SLCO4C1: variants seen among roughly 807,000 people sequenced by gnomAD.
SLCO4C1 encodes the protein solute carrier organic anion transporter family member 4C1.
A neutral mutation model predicts 72.1 loss-of-function variants in SLCO4C1; 58 were observed. The ratio of observed to expected loss-of-function variants is 0.80; its 90% CI spans 0.65 to 1.00. SLCO4C1 has a LOEUF of 1.00. SLCO4C1 is among the 50% of genes least tolerant of loss of function. The probability of loss-of-function intolerance (pLI) is 0.00; values close to 1 mark genes in which losing one functional copy is unlikely to be tolerated. For missense variants in SLCO4C1, 898 were observed against 857.9 expected, an observed-to-expected ratio of 1.05 and a Z score of -0.58; for synonymous variants, 297 against 312.5, an observed-to-expected ratio of 0.95 and a Z score of 0.52.
chr5:102,262,138 T>C (rs1748955813), intron 4 of SLCO4C1, 105 bp from the exon 5 acceptor site: 1 of 835,828 alleles, frequency 1.2e-6, no homozygotes, highest in Admixed American at 3.4e-5. Flanking sequence ...TAGTAGAATA[T>C]GATTATAATA....
intron 2 of SLCO4C1, among the ~76,000 whole-genome samples, chr5:102,272,146 T>C (rs1243541705): frequency 5.3e-5 from 8 of 152,148 alleles, no homozygotes; most frequent in Non-Finnish European, 1.0e-4. Flanking sequence ...TTAATTCATA[T>C]GTAATATCTT....
intron 3 of SLCO4C1, among the ~76,000 whole-genome samples, chr5:102,264,019 A>G (rs1186354644): frequency 6.6e-6 from 1 of 152,118 alleles, no homozygotes; most frequent in African/African-American, 2.4e-5. Flanking sequence ...AAAATTATAA[A>G]TCCATGGAAA....
rs562831720 is a variant in SLCO4C1 at position 102,260,194 on chromosome 5, G to A, written c.1128+19C>T. 8 of 876,246 alleles carry A rather than the reference G, an allele frequency of 9.1e-6. No individual in the cohort carries two copies. In the East Asian group the frequency reaches 2.3e-4, roughly 25 times the overall value. The allele number at this position is 876,246 out of a possible 1,614,324, so 54.3% of individuals were successfully genotyped here. On this transcript the variant is annotated intron_variant, in intron 6 of 12. Coordinates refer to ENST00000310954, the MANE Select transcript of SLCO4C1 (RefSeq NM_180991.5). The stretch of plus-strand genomic sequence containing the variant: ...TGTGTATGAGACTGAGAGAGAGACA[G>A]AGAAGAATTTTATTTTACCTTTAGA...
chr5:102,285,072 G>C (rs1749425087), intron 2 of SLCO4C1, among the ~76,000 whole-genome samples: 1 of 152,074 alleles, frequency 6.6e-6, no homozygotes, highest in African/African-American at 2.4e-5. Context: ...GGACATGTAT[G>C]TCCTAAATTA....
chr5:102,237,921 T>A (rs1748469248), intron 12 of SLCO4C1, among the ~76,000 whole-genome samples: 1 of 152,200 alleles, frequency 6.6e-6, no homozygotes, highest in South Asian at 2.1e-4. Context: ...AGTTCAGTTA[T>A]ATGAAGAGAA....
At position 102,269,390 on chromosome 5, in the gene SLCO4C1, G is replaced by C. The variant is rs111840290; in HGVS notation, c.802+1234C>G. 4.9e-3 allele frequency among the ~76,000 whole-genome samples: 750 copies of C among 151,548 alleles called. 3 individuals carry two copies. The highest frequency in any genetic ancestry group is 0.017 in the African/African-American group (711 of 41,302). ...TTTTGTTTGCTGTGTTGTTTGACTG[G>C]GTTATTTCAAAAGACCGCTCTTCGT... On this transcript the variant is annotated intron_variant, in intron 3 of 12. Transcript: ENST00000310954.
chr5:102,274,001 A>G (rs1488947684), intron 2 of SLCO4C1, among the ~76,000 whole-genome samples: 2 of 152,106 alleles, frequency 1.3e-5, no homozygotes, highest in Non-Finnish European at 2.9e-5. Context: ...ATAACAATAC[A>G]CCAATAAAAG....
In SLCO4C1 at chr5:102,296,204, AGGATGTCTGGGCT is replaced by A; in HGVS notation, c.46_58del (p.Ser16CysfsTer102). 6.2e-7 allele frequency: 1 copy of A among 1,602,500 alleles called. No homozygotes were observed. Among genetic ancestry groups the A allele is most frequent in the South Asian group, 1.1e-5 (1 of 89,952 alleles). ...GGAGGGCGACGCAGACAAGCGGCGC[AGGATGTCTGGGCT>A]GGAGGGGACAAAAGCCAAGTTCTCA... On this transcript the variant is annotated frameshift_variant, in exon 1 of 13. Transcript: ENST00000310954. LOFTEE classifies it high-confidence loss of function.
At chr5:102,239,194 T>G in intron 12 of SLCO4C1, 57 bp downstream of exon 12, 1 of 398,602 alleles carries the variant, frequency 2.5e-6, no homozygotes, top group African/African-American at 2.8e-5. Context: ...AACAATGAGA[T>G]TTTTTTTTTT....
chr5:102,251,629 A>G (rs1312276180), intron 8 of SLCO4C1, among the ~76,000 whole-genome samples: 1 of 152,170 alleles, frequency 6.6e-6, no homozygotes. Context: ...GTGACTCCTA[A>G]TATCTAACCT....
At chr5:102,289,013 T>C (rs1749504495) in intron 2 of SLCO4C1, among the ~76,000 whole-genome samples, 1 of 152,210 alleles carries the variant, frequency 6.6e-6, no homozygotes, top group Non-Finnish European at 1.5e-5. Flanking sequence ...TAAATATATA[T>C]TGTATGAATG....
intron 4 of SLCO4C1, among the ~76,000 whole-genome samples, chr5:102,262,973 G>GA (rs1272542718): frequency 6.6e-6 from 1 of 151,440 alleles, no homozygotes; most frequent in Middle Eastern, 3.2e-3. Flanking sequence ...GTGGCAAAAT[G>GA]AAAAAAAATA....
At chr5:102,277,568 A>G (rs1211828739) in intron 2 of SLCO4C1, among the ~76,000 whole-genome samples, 1 of 152,124 alleles carries the variant, frequency 6.6e-6, no homozygotes, top group Non-Finnish European at 1.5e-5. Context: ...AGAGAGAATG[A>G]TATCAGTGGA....
intron 2 of SLCO4C1, among the ~76,000 whole-genome samples, chr5:102,283,192 C>CAA (rs754318651): frequency 2.2e-5 from 3 of 135,576 alleles, no homozygotes; most frequent in Non-Finnish European, 1.6e-5. Flanking sequence ...GTGACATCCA[C>CAA]AAAAAAAAAA....
At chr5:102,264,386 T>C (rs1342142727) in intron 3 of SLCO4C1, among the ~76,000 whole-genome samples, 1 of 151,396 alleles carries the variant, frequency 6.6e-6, no homozygotes, top group Non-Finnish European at 1.5e-5. Flanking sequence ...CAAAAGTTAT[T>C]TGACCACTCA....
chr5:102,267,784 C>T (rs1369767003), intron 3 of SLCO4C1, among the ~76,000 whole-genome samples: 1 of 151,696 alleles, frequency 6.6e-6, no homozygotes, highest in Non-Finnish European at 1.5e-5. Context: ...TTTTGCTGTA[C>T]CTCATAAGAT....
At chr5:102,272,721 C>CA (rs1389892737) in intron 2 of SLCO4C1, among the ~76,000 whole-genome samples, 1 of 152,040 alleles carries the variant, frequency 6.6e-6, no homozygotes, top group Non-Finnish European at 1.5e-5. Flanking sequence ...TTTGGAAGGA[C>CA]AAGGTGGGTG....
intron 3 of SLCO4C1, among the ~76,000 whole-genome samples, chr5:102,266,805 T>G (rs1372278554): frequency 1.3e-5 from 2 of 152,200 alleles, no homozygotes; most frequent in African/African-American, 4.8e-5. Flanking sequence ...ACGTTCCTTT[T>G]ATACCTAATT....
At chr5:102,276,273 T>G (rs758655432) in intron 2 of SLCO4C1, among the ~76,000 whole-genome samples, 13 of 152,204 alleles carry the variant, frequency 8.5e-5, no homozygotes, top group Non-Finnish European at 1.8e-4. Context: ...TTTAAAAATC[T>G]GTATGTCTCC....
Sources: gnomAD v4.1 joint callset for allele counts (sites outside exome capture counted in the v4.1 genomes callset) on GRCh38, gnomAD v4.1.1 for gene constraint, MANE v1.5 for transcripts, NCBI Gene and HGNC (gene_info 2026-07-23, HGNC 2026-07-21) for gene names.